PTPRK: variants seen among roughly 807,000 people sequenced by gnomAD.
PTPRK encodes the protein receptor-type tyrosine-protein phosphatase kappa.
A neutral mutation model predicts 178.0 loss-of-function variants in PTPRK; 75 were observed. The observed-to-expected ratio is 0.42, with a 90% CI of 0.35 to 0.51. PTPRK has a LOEUF of 0.51. Ranked by LOEUF, PTPRK falls within the 20% of genes least tolerant of loss-of-function variation. The pLI, the probability that PTPRK is intolerant of heterozygous loss-of-function variation, is 0.02. For missense variants in PTPRK, 1,441 were observed against 1,797.8 expected, an observed-to-expected ratio of 0.80 and a Z score of 3.59; for synonymous variants, 637 against 620.6, an observed-to-expected ratio of 1.03 and a Z score of -0.39.
At chr6:128,088,069 T>C (rs73584662) in intron 8 of PTPRK, among the ~76,000 whole-genome samples, 4,330 of 152,290 alleles carry the variant, frequency 0.028, 205 homozygotes, top group African/African-American at 0.098. Flanking sequence ...CATTCTGTTT[T>C]ATGAAACTCA....
chr6:128,519,001 A>G lies in PTPRK; in HGVS notation c.100+1258T>C, dbSNP rs1288777587. On this transcript the variant is annotated intron_variant, in intron 1 of 29. Coordinates refer to ENST00000368226, the MANE Select transcript of PTPRK (RefSeq NM_002844.4). This position sits in a 1 kb window ranked among gnomAD's most constrained non-coding sequence, Gnocchi z 4.3. The stretch of plus-strand genomic sequence containing the variant: ...CAACGTGAGAAACTGTCAGGTACAA[A>G]GTAAGTTATTTGCGTCCTGCGGCTT... 4 of 515,256 alleles carry G rather than the reference A, an allele frequency of 7.8e-6. 1 individual carries two copies. Among genetic ancestry groups the G allele is most frequent in the South Asian group, 5.9e-5 (4 of 68,174 alleles). 31.9% of individuals were successfully genotyped at this position (515,256 alleles called of 1,614,324 possible).
At chr6:128,240,332 AG>A (rs1007242946) in intron 4 of PTPRK, among the ~76,000 whole-genome samples, 182 bp from the exon 5 acceptor site, 3 of 152,128 alleles carry the variant, frequency 2.0e-5, no homozygotes, top group African/African-American at 7.2e-5. Flanking sequence ...TGACTCTCAT[AG>A]TTCTCTTTTT....
rs145095465 is a variant in PTPRK, at chr6:128,101,523, C to A, written c.1163-11531G>T. 9.9e-5 allele frequency among the ~76,000 whole-genome samples: 15 copies of A among 152,136 alleles called. No homozygotes were observed. In the East Asian group the frequency reaches 2.9e-3, roughly 29 times the overall value. On this transcript the variant is annotated intron_variant, in intron 7 of 29. Transcript: ENST00000368226. ...CTATGTCTTTTTCTTTCATTCAGGT[C>A]CTAACTTTCTCTCACCTGAACTATT...
chr6:128,231,221 G>A (rs1812244120), intron 5 of PTPRK, among the ~76,000 whole-genome samples: 1 of 152,170 alleles, frequency 6.6e-6, no homozygotes, highest in African/African-American at 2.4e-5. Context: ...AAGCTATGCA[G>A]AAAGAAGATA....
intron 3 of PTPRK, among the ~76,000 whole-genome samples, chr6:128,316,624 G>A (rs1249470074): frequency 1.3e-5 from 2 of 151,370 alleles, no homozygotes; most frequent in Non-Finnish European, 2.9e-5. Flanking sequence ...ACTATTTAAA[G>A]TCAAAGTAGA....
intron 2 of PTPRK, among the ~76,000 whole-genome samples, chr6:128,325,097 C>A (rs2128322651): frequency 6.6e-6 from 1 of 152,280 alleles, no homozygotes; most frequent in South Asian, 2.1e-4. Flanking sequence ...ATACAATGTA[C>A]TAGCTTTTAA....
At chr6:128,353,778 A>C (rs537877137) in intron 2 of PTPRK, among the ~76,000 whole-genome samples, 25 of 152,336 alleles carry the variant, frequency 1.6e-4, no homozygotes, top group African/African-American at 5.1e-4. Flanking sequence ...TGACAAAAAA[A>C]ATTCTGTTAT....
rs1438098711 is a variant in PTPRK, at chr6:127,989,695, A to G, written c.3096+1074T>C. ...ATGTTTCAACATACTCTAACAATCA[A>G]TGAGGATTATTCTTTTTTAAAGTTC... is the stretch of plus-strand genomic sequence containing the variant. On this transcript the variant is annotated intron_variant, in intron 21 of 29. Coordinates refer to ENST00000368226, the MANE Select transcript of PTPRK (RefSeq NM_002844.4). Among the ~76,000 whole-genome samples, 3 of 152,074 alleles carry G rather than the reference A, an allele frequency of 2.0e-5. No individual in the cohort carries two copies. The East Asian group carries it at 5.8e-4, about 29-fold the overall frequency.
chr6:128,337,960 G>C (rs1474996336), intron 2 of PTPRK, among the ~76,000 whole-genome samples: 2 of 152,172 alleles, frequency 1.3e-5, no homozygotes, highest in Non-Finnish European at 2.9e-5. Context: ...TGAAAGTTTG[G>C]CTGCAGAGGA....
chr6:128,300,544 G>C (rs999828332), intron 3 of PTPRK, among the ~76,000 whole-genome samples: 4 of 151,886 alleles, frequency 2.6e-5, no homozygotes, highest in Non-Finnish European at 4.4e-5. Context: ...AAAATGATGA[G>C]TTCATGTCCT....
intron 18 of PTPRK, 45 bp downstream of exon 18, chr6:127,995,417 A>G (rs1289090353): frequency 2.0e-6 from 3 of 1,482,288 alleles, no homozygotes; most frequent in Middle Eastern, 1.7e-4. Context: ...AGGTTCATAT[A>G]TATAAGCCAA....
intron 25 of PTPRK, among the ~76,000 whole-genome samples, chr6:127,977,967 T>G (rs1774807398): frequency 6.6e-6 from 1 of 152,222 alleles, no homozygotes; most frequent in Non-Finnish European, 1.5e-5. Flanking sequence ...GTAACTCATT[T>G]GTATCATACT....
intron 1 of PTPRK, among the ~76,000 whole-genome samples, chr6:128,489,741 T>C (rs1853496310): frequency 6.6e-6 from 1 of 152,250 alleles, no homozygotes; most frequent in African/African-American, 2.4e-5. Flanking sequence ...ATTATAAGTT[T>C]TGTTTTCCTA....
intron 7 of PTPRK, among the ~76,000 whole-genome samples, chr6:128,180,909 A>G (rs1015519453): frequency 2.6e-5 from 4 of 152,252 alleles, no homozygotes; most frequent in East Asian, 3.9e-4. Context: ...AATAAGAGGA[A>G]TAAGTATTAA....
intron 13 of PTPRK, among the ~76,000 whole-genome samples, chr6:128,040,472 T>C (rs1776984659): frequency 6.6e-6 from 1 of 151,738 alleles, no homozygotes; most frequent in African/African-American, 2.4e-5. Context: ...AACCAGGAAG[T>C]TTCCTCAAAC....
At chr6:128,004,847 A>C (rs1778241245) in intron 15 of PTPRK, 2 of 439,110 alleles carry the variant, frequency 4.6e-6, no homozygotes, top group African/African-American at 4.0e-5. Context: ...TATGTTTGGA[A>C]TATCCCTTGT....
intron 2 of PTPRK, among the ~76,000 whole-genome samples, chr6:128,345,760 A>G (rs2128334409): frequency 6.6e-6 from 1 of 152,324 alleles, no homozygotes; most frequent in South Asian, 2.1e-4. Flanking sequence ...ATGCATTTGT[A>G]TCCCTTCTCA....
intron 24 of PTPRK, among the ~76,000 whole-genome samples, chr6:127,981,608 C>T (rs1189771385): frequency 2.0e-5 from 3 of 152,116 alleles, no homozygotes; most frequent in African/African-American, 7.2e-5. Flanking sequence ...AATGACCCTT[C>T]ATCACACTGG....
Position 128,488,926 on chromosome 6 carries a change from A to C in PTPRK, c.100+31333T>G, listed in dbSNP as rs150453604. On this transcript the variant is annotated intron_variant, in intron 1 of 29. Coordinates refer to ENST00000368226, the MANE Select transcript of PTPRK (RefSeq NM_002844.4). ...AGTAGGATAAGTTTACTCACACACAAAAAAAAAATAAGAAAAACTACTCTA... is the reference window on the plus strand; with the variant it reads ...AGTAGGATAAGTTTACTCACACACACAAAAAAAATAAGAAAAACTACTCTA... 1.7e-3 allele frequency among the ~76,000 whole-genome samples: 253 copies of C among 150,860 alleles called. 6 individuals carry two copies. The South Asian group carries it at 0.022, about 13-fold the overall frequency.
Sources: allele counts gnomAD v4.1 joint callset (sites outside exome capture counted in the v4.1 genomes callset), GRCh38; gene constraint gnomAD v4.1.1; non-coding constraint Gnocchi (gnomAD v3.1); transcripts MANE v1.5; gene names NCBI Gene and HGNC (gene_info 2026-07-23, HGNC 2026-07-21).